The following LRMDA variants were observed in gnomAD, a reference collection of about 807,000 sequenced individuals.
LRMDA encodes leucine rich melanocyte differentiation associated, also known as leucine-rich melanocyte differentiation-associated protein.
LRMDA carries 18 observed loss-of-function variants against 29.8 expected under a neutral mutation model. The observed-to-expected ratio is 0.60, with a 90% CI of 0.42 to 0.90. The LOEUF (loss-of-function observed/expected upper bound fraction) is 0.90, where lower values mean the gene tolerates loss of function less well. Ranked by LOEUF, LRMDA falls within the 40% of genes least tolerant of loss-of-function variation. The pLI is 0.00. For missense variants in LRMDA, 273 were observed against 273.9 expected, an observed-to-expected ratio of 1.00 and a Z score of 0.02; for synonymous variants, 125 against 109.4, an observed-to-expected ratio of 1.14 and a Z score of -0.89.
chr10:76,481,495 A>G (rs1842732777), intron 6 of LRMDA, among the ~76,000 whole-genome samples: 1 of 151,892 alleles, frequency 6.6e-6, no homozygotes, highest in Non-Finnish European at 1.5e-5. Flanking sequence ...AAAATGAGAA[A>G]ACTTTCCTCC....
chr10:76,553,284 C>A (rs747150553), intron 6 of LRMDA, among the ~76,000 whole-genome samples: 109 of 152,348 alleles, frequency 7.2e-4, no homozygotes, highest in Middle Eastern at 3.4e-3. Context: ...CTGCATATGC[C>A]ATTAAATGTG....
chr10:75,677,661 C>A (rs1231313279), intron 2 of LRMDA, among the ~76,000 whole-genome samples: 1 of 152,138 alleles, frequency 6.6e-6, no homozygotes, highest in Non-Finnish European at 1.5e-5. Flanking sequence ...TTCTTGTTTT[C>A]TGTTTTGTCC....
At chr10:75,718,628 C>T (rs1842530303) in intron 2 of LRMDA, among the ~76,000 whole-genome samples, 1 of 152,194 alleles carries the variant, frequency 6.6e-6, no homozygotes, top group African/African-American at 2.4e-5. Context: ...TGTCATGAGC[C>T]TGGTTAGGTT....
At chr10:76,472,228 G>A (rs1181588348) in intron 6 of LRMDA, among the ~76,000 whole-genome samples, 1 of 151,650 alleles carries the variant, frequency 6.6e-6, no homozygotes, top group African/African-American at 2.4e-5. Flanking sequence ...TGTGTTCTCT[G>A]ATAACAATAG....
At chr10:76,396,936 C>T (rs1841791125) in intron 6 of LRMDA, among the ~76,000 whole-genome samples, 2 of 152,132 alleles carry the variant, frequency 1.3e-5, no homozygotes, top group Admixed American at 1.3e-4. Flanking sequence ...AGTTTTGAAA[C>T]AGCCTCTGCC....
intron 5 of LRMDA, among the ~76,000 whole-genome samples, chr10:76,080,835 G>C (rs772305872): frequency 6.6e-6 from 1 of 152,122 alleles, no homozygotes; most frequent in South Asian, 2.1e-4. Context: ...AATAGGCTGG[G>C]TACTCAAAAG....
chr10:76,133,163 G>A (rs1222745681), intron 5 of LRMDA, among the ~76,000 whole-genome samples: 1 of 151,740 alleles, frequency 6.6e-6, no homozygotes, highest in East Asian at 1.9e-4. Context: ...GAATTGTTTG[G>A]TTGAAGCAAG....
At chr10:76,391,795 G>T (rs541723628) in intron 6 of LRMDA, among the ~76,000 whole-genome samples, 1 of 152,200 alleles carries the variant, frequency 6.6e-6, no homozygotes, top group South Asian at 2.1e-4. Flanking sequence ...ATCTTTTATG[G>T]TCATAAGAAG....
intron 5 of LRMDA, chr10:76,270,748 A>T (rs1348544576): frequency 1.6e-4 from 25 of 152,208 alleles, no homozygotes; most frequent in Non-Finnish European, 1.5e-5. Flanking sequence ...GAACAGAGGA[A>T]GTCTCCAGCC....
chr10:75,955,744 G>C (rs1846652775), intron 2 of LRMDA, among the ~76,000 whole-genome samples: 1 of 152,000 alleles, frequency 6.6e-6, no homozygotes, highest in African/African-American at 2.4e-5. Flanking sequence ...CTCATTTCTG[G>C]TATACATTTG....
At chr10:76,513,681 T>C (rs908682642) in intron 6 of LRMDA, among the ~76,000 whole-genome samples, 40 of 152,220 alleles carry the variant, frequency 2.6e-4, no homozygotes, top group African/African-American at 9.4e-4. Context: ...TCTGTTAGTG[T>C]CCTCTGGCCC....
At chr10:75,854,284 CCTT>C in intron 2 of LRMDA, among the ~76,000 whole-genome samples, 1 of 152,230 alleles carries the variant, frequency 6.6e-6, no homozygotes, top group Middle Eastern at 3.4e-3. Flanking sequence ...TTTAGAACAT[CCTT>C]CTTTGCTTGG....
At chr10:75,731,809 T>C (rs1842702244) in intron 2 of LRMDA, among the ~76,000 whole-genome samples, 1 of 152,216 alleles carries the variant, frequency 6.6e-6, no homozygotes, top group Admixed American at 6.5e-5. Flanking sequence ...CCCTGAATAA[T>C]TGTTTGTAGT....
chr10:75,495,953 A>T (rs985876833), intron 2 of LRMDA, among the ~76,000 whole-genome samples: 4 of 152,304 alleles, frequency 2.6e-5, no homozygotes, highest in Admixed American at 2.0e-4. Context: ...GTCCCTTCTT[A>T]CAAGTCAGCC....
At chr10:76,247,941 A>G (rs1325659440) in intron 5 of LRMDA, among the ~76,000 whole-genome samples, 3 of 152,136 alleles carry the variant, frequency 2.0e-5, no homozygotes, top group Non-Finnish European at 4.4e-5. Context: ...TTTTGCTAAA[A>G]AGTCCAAGTG....
chr10:76,224,473 A>G (rs1258632945), intron 5 of LRMDA, among the ~76,000 whole-genome samples: 3 of 151,798 alleles, frequency 2.0e-5, no homozygotes, highest in African/African-American at 7.3e-5. Flanking sequence ...TCAGGAGGCT[A>G]TAGTAGGAGG....
intron 6 of LRMDA, among the ~76,000 whole-genome samples, chr10:76,442,713 C>T (rs1466263656): frequency 6.6e-6 from 1 of 152,026 alleles, no homozygotes; most frequent in African/African-American, 2.4e-5. Context: ...AAAACCAATA[C>T]ATAAATCATA....
chr10:75,689,655 G>A (rs577501934), intron 2 of LRMDA, among the ~76,000 whole-genome samples: 19 of 152,302 alleles, frequency 1.2e-4, no homozygotes, highest in South Asian at 4.1e-4. Context: ...TCTGAACTGA[G>A]TATGCAACTC....
chr10:75,915,120 C>CTTTTTTTTTTT (rs71024579), intron 2 of LRMDA, among the ~76,000 whole-genome samples: 2 of 75,216 alleles, frequency 2.7e-5, no homozygotes, highest in African/African-American at 5.4e-5. Flanking sequence ...GTCTAACCTT[C>CTTTTTTTTTTT]TTTTTTTTTT....
Sources: allele counts gnomAD v4.1 joint callset (sites outside exome capture counted in the v4.1 genomes callset), GRCh38; gene constraint gnomAD v4.1.1; transcripts MANE v1.5; gene names NCBI Gene and HGNC (gene_info 2026-07-23, HGNC 2026-07-21).